Variants in PMS1 observed in about 807,000 individuals in gnomAD.
The protein encoded by PMS1 is PMS1 homolog 1, mismatch repair system component.
Under a neutral mutation model 93.1 loss-of-function variants are expected in PMS1, and 79 were observed. That is an observed-to-expected ratio of 0.85 (90% CI 0.71 to 1.02). The LOEUF is 1.02. Among genes scored for constraint, PMS1 ranks in the 50% least tolerant of loss-of-function variants. The pLI, the probability that PMS1 is intolerant of heterozygous loss-of-function variation, is 0.00. For synonymous variants in PMS1, 335 were observed against 363.4 expected (o/e 0.92, Z 0.89); for missense variants, 1,064 against 1,085.3 (o/e 0.98, Z 0.28).
At chr2:189,866,262 A>G (rs532437440) in intron 10 of PMS1, among the ~76,000 whole-genome samples, 2 of 152,320 alleles carry the variant, frequency 1.3e-5, no homozygotes, top group South Asian at 2.1e-4. Flanking sequence ...GCTTTTTCAA[A>G]TGATAGGTTT....
intron 2 of PMS1, among the ~76,000 whole-genome samples, chr2:189,795,006 G>A (rs2049214833): frequency 6.6e-6 from 1 of 152,154 alleles, no homozygotes; most frequent in Admixed American, 6.5e-5. Context: ...AGGCTGAGGT[G>A]GGAGGATCAC....
chr2:189,860,896 A>G (rs1038118581), intron 9 of PMS1, among the ~76,000 whole-genome samples: 29 of 115,576 alleles, frequency 2.5e-4, no homozygotes, highest in East Asian at 2.6e-4. Flanking sequence ...TACTGTTGCA[A>G]CTCTGGCTTC....
intron 5 of PMS1, among the ~76,000 whole-genome samples, chr2:189,843,628 G>A (rs534136159): frequency 5.3e-5 from 8 of 152,168 alleles, no homozygotes; most frequent in Non-Finnish European, 1.2e-4. Context: ...GGTGGAGAGA[G>A]AATCGATATT....
chr2:189,857,387 C>G (rs1181356111), intron 9 of PMS1: 1 of 437,828 alleles, frequency 2.3e-6, no homozygotes, highest in African/African-American at 2.0e-5. Flanking sequence ...AGTCTAGTTG[C>G]ATCATGATTA....
chr2:189,788,321 G>C (rs2048546206), intron 1 of PMS1, among the ~76,000 whole-genome samples: 1 of 152,194 alleles, frequency 6.6e-6, no homozygotes, highest in African/African-American at 2.4e-5. Flanking sequence ...GAGGAGCTCA[G>C]TTTAGTCCCA....
At chr2:189,828,100 T>A (rs867661487) in intron 5 of PMS1, among the ~76,000 whole-genome samples, 2,981 of 152,038 alleles carry the variant, frequency 0.02, 94 homozygotes, top group African/African-American at 0.067. Context: ...ATTTTTTGTT[T>A]TTTTTAGTAG....
At position 189,867,758 on chromosome 2, in the gene PMS1, T is replaced by G. The variant is rs557049355; in HGVS notation, c.2343-41T>G. Reference sequence around the variant, plus strand: ...CTTTTTCCCGTAAACCCCCTTATTTTGTGTTTTTAATAAGTTAAAGGGCCA... The same window carrying G: ...CTTTTTCCCGTAAACCCCCTTATTTGGTGTTTTTAATAAGTTAAAGGGCCA... On this transcript the variant is annotated intron_variant, in intron 10 of 12. Coordinates refer to ENST00000441310, the MANE Select transcript of PMS1 (RefSeq NM_000534.5). 77 of 1,447,492 alleles carry G rather than the reference T, an allele frequency of 5.3e-5. No individual in the cohort carries two copies. The South Asian group carries it at 8.4e-4, about 16-fold the overall frequency. 89.7% of individuals were successfully genotyped at this position (1,447,492 alleles called of 1,614,324 possible). A position where few individuals can be genotyped will look rare whatever the true frequency, so the allele number is the denominator to read the frequency against.
At chr2:189,859,444 C>T (rs1309366008) in intron 9 of PMS1, among the ~76,000 whole-genome samples, 1 of 152,144 alleles carries the variant, frequency 6.6e-6, no homozygotes, top group East Asian at 1.9e-4. Flanking sequence ...GAACAAATTA[C>T]AGTAGTTTCC....
chr2:189,805,813 TAA>T, intron 4 of PMS1, 59 bp downstream of exon 4: 2 of 1,385,900 alleles, frequency 1.4e-6, no homozygotes, highest in South Asian at 1.3e-5. Flanking sequence ...ATTGTTGGTT[TAA>T]AAAAAAAAAG....
rs147777881 is a variant in PMS1, at chr2:189,839,489, A to G, written c.583-4475A>G. Among the ~76,000 whole-genome samples the G allele has an allele frequency of 3.3e-3, 509 of 152,280 alleles. 2 individuals are homozygous for G. Among genetic ancestry groups the G allele is most frequent in the African/African-American group, 0.011 (472 of 41,564 alleles). ...CCAGGTCATTCGTGATTTAGCCCCT[A>G]TCTGTCTAGTTTCATCTCTAGCAAG... On this transcript the variant is annotated intron_variant, in intron 5 of 12. Coordinates refer to ENST00000441310, the MANE Select transcript of PMS1 (RefSeq NM_000534.5).
intron 5 of PMS1, among the ~76,000 whole-genome samples, chr2:189,837,270 C>T (rs2053464401): frequency 6.6e-6 from 1 of 151,574 alleles, no homozygotes; most frequent in South Asian, 2.1e-4. Flanking sequence ...GGACTACAGG[C>T]ATGTGCCACC....
intron 12 of PMS1, among the ~76,000 whole-genome samples, chr2:189,876,950 A>G (rs2057624532): frequency 6.6e-6 from 1 of 151,990 alleles, no homozygotes; most frequent in African/African-American, 2.4e-5. Context: ...TCATCTCCTC[A>G]AGTAATCTTT....
At chr2:189,809,045 G>A (rs997939584) in intron 4 of PMS1, among the ~76,000 whole-genome samples, 1 of 152,050 alleles carries the variant, frequency 6.6e-6, no homozygotes, top group Admixed American at 6.5e-5. Flanking sequence ...TATTTAAAGG[G>A]CTGTGATCAT....
intron 11 of PMS1, among the ~76,000 whole-genome samples, chr2:189,869,547 T>A (rs1046450513): frequency 6.6e-6 from 1 of 152,182 alleles, no homozygotes; most frequent in African/African-American, 2.4e-5. Context: ...CCAGGCACGG[T>A]GGCTCATGCC....
intron 3 of PMS1, among the ~76,000 whole-genome samples, chr2:189,803,035 AG>A (rs2050030273): frequency 6.6e-6 from 1 of 152,200 alleles, no homozygotes; most frequent in South Asian, 2.1e-4. Context: ...TTGCACAGGC[AG>A]GCAGGCATAC....
intron 3 of PMS1, among the ~76,000 whole-genome samples, chr2:189,798,757 A>ATTTT (rs757864750): frequency 2.5e-5 from 2 of 79,928 alleles, no homozygotes; most frequent in African/African-American, 9.1e-5. Flanking sequence ...TAAGTATTTG[A>ATTTT]TTTTTTTTTT....
At chr2:189,872,605 A>G (rs554234398) in intron 11 of PMS1, among the ~76,000 whole-genome samples, 3 of 152,250 alleles carry the variant, frequency 2.0e-5, no homozygotes, top group South Asian at 4.1e-4. Context: ...TATACATCCA[A>G]TCCTTTAGCT....
rs759638983 is a variant in PMS1 at position 189,803,378 on chromosome 2, CAG to C, written c.316-2269_316-2268del. Among the ~76,000 whole-genome samples, 5 of 152,030 alleles carry C rather than the reference CAG, an allele frequency of 3.3e-5. No individual in the cohort carries two copies. The South Asian group carries it at 8.3e-4, about 25-fold the overall frequency. The stretch of plus-strand genomic sequence containing the variant: ...TTTCTTGAAACTCAGTAAACTGGAC[CAG>C]AGAGTCAGTTTTTAATAACTGATAA... On this transcript the variant is annotated intron_variant, in intron 3 of 12. Transcript: ENST00000441310.
chr2:189,785,081 G>C (rs190548378), intron 1 of PMS1, among the ~76,000 whole-genome samples: 1 of 152,306 alleles, frequency 6.6e-6, no homozygotes, highest in Non-Finnish European at 1.5e-5. Context: ...GGAAAGTCTT[G>C]ATTAGGTTTT....
Sources: gnomAD v4.1 joint callset for allele counts (sites outside exome capture counted in the v4.1 genomes callset) on GRCh38, gnomAD v4.1.1 for gene constraint, MANE v1.5 for transcripts, NCBI Gene and HGNC (gene_info 2026-07-23, HGNC 2026-07-21) for gene names.